The following ABCB4 variants were observed in gnomAD, a reference collection of about 807,000 sequenced individuals.
ABCB4 encodes the protein phosphatidylcholine translocator ABCB4.
Under a neutral mutation model 145.7 loss-of-function variants are expected in ABCB4, and 76 were observed. The ratio of observed to expected loss-of-function variants is 0.52; its 90% CI spans 0.43 to 0.63. ABCB4 has a LOEUF of 0.63. ABCB4 is among the 30% of genes least tolerant of loss of function. The pLI is 0.00. For missense variants in ABCB4, 1,234 were observed against 1,553.1 expected, an observed-to-expected ratio of 0.79 and a Z score of 3.45; for synonymous variants, 517 against 566.8, an observed-to-expected ratio of 0.91 and a Z score of 1.25.
At chr7:87,380,606 G>GAAAGGTA in the ABCB4 span, among the ~76,000 whole-genome samples, 1 of 152,186 alleles carries the variant, frequency 6.6e-6, no homozygotes, top group East Asian at 1.9e-4. Flanking sequence ...TGCAAGAAAT[G>GAAAGGTA]AAAGGTAAAA....
At chr7:87,377,300 CA>C in the ABCB4 span, 2 of 1,171,138 alleles carry the variant, frequency 1.7e-6, no homozygotes, top group Non-Finnish European at 2.5e-6. Flanking sequence ...TAAATTCTTA[CA>C]AACCAATATT....
the ABCB4 span, among the ~76,000 whole-genome samples, chr7:87,367,878 C>G: frequency 6.6e-6 from 1 of 152,200 alleles, no homozygotes. Context: ...ACCTGGACAA[C>G]TTTAGTCACC....
chr7:87,371,377 T>G, the ABCB4 span, among the ~76,000 whole-genome samples: 1 of 152,240 alleles, frequency 6.6e-6, no homozygotes. Context: ...CCTTATTCTT[T>G]TAAACTATTA....
At chr7:87,377,902 GCAGTTACTAC>G in the ABCB4 span, among the ~76,000 whole-genome samples, 3 of 152,050 alleles carry the variant, frequency 2.0e-5, no homozygotes, top group Non-Finnish European at 4.4e-5. Context: ...TATTAAAATG[GCAGTTACTAC>G]CATTTTGACC....
intron 14 of ABCB4, among the ~76,000 whole-genome samples, chr7:87,435,697 A>G (rs1473938824): frequency 3.3e-5 from 5 of 152,252 alleles, no homozygotes; most frequent in Admixed American, 3.3e-4. Flanking sequence ...AACCAACAGA[A>G]AAACCACTTT....
chr7:87,445,788 GA>G (rs1405832280), intron 9 of ABCB4, among the ~76,000 whole-genome samples: 1 of 152,128 alleles, frequency 6.6e-6, no homozygotes, highest in African/African-American at 2.4e-5. Context: ...CAGTAAGAAA[GA>G]AAAATAATGT....
chr7:87,437,917 A>C (rs1022481003), intron 14 of ABCB4, among the ~76,000 whole-genome samples: 21 of 152,344 alleles, frequency 1.4e-4, no homozygotes, highest in Non-Finnish European at 2.2e-4. Flanking sequence ...GTGTGCTATG[A>C]TCCTATAGAA....
chr7:87,371,230 TC>T, the ABCB4 span, among the ~76,000 whole-genome samples: 6 of 152,224 alleles, frequency 3.9e-5, no homozygotes, highest in Non-Finnish European at 7.3e-5. Flanking sequence ...TTTATAGTCT[TC>T]CTAGAGTTAA....
chr7:87,389,443 A>C, the ABCB4 span, among the ~76,000 whole-genome samples: 71 of 152,356 alleles, frequency 4.7e-4, 1 homozygote, highest in Non-Finnish European at 2.2e-4. Flanking sequence ...CTATGCAGCC[A>C]TAAAAGAGGA....
chr7:87,404,728 A>G (rs1808053701), intron 26 of ABCB4, among the ~76,000 whole-genome samples: 1 of 152,242 alleles, frequency 6.6e-6, no homozygotes, highest in Admixed American at 6.5e-5. Flanking sequence ...ACATTTCACC[A>G]AGAGGATATA....
chr7:87,422,216 G>T lies in ABCB4; in HGVS notation c.2221C>A (p.Pro741Thr). The change falls in exon 18 of 28, where the codon CCA (proline) becomes ACA (threonine). Residue 741 changes from proline to threonine, a missense_variant. Physicochemically the swap from Pro to Thr is conservative, Grantham distance 38. This residue lies in a region of ABCB4 where 321 missense variants were observed against 332.6 expected (regional missense o/e 0.97). Transcript: ENST00000649586. ...IFSEIIAIFGPGDDAVKQQKC... is the reference protein window; with the variant it reads ...IFSEIIAIFGTGDDAVKQQKC... ...TGCTGCTTCACTGCATCATCGCCTGGTCCAAAAATCTACAAAAGAATATTT... is the reference window on the plus strand; with the variant it reads ...TGCTGCTTCACTGCATCATCGCCTGTTCCAAAAATCTACAAAAGAATATTT... 6.2e-7 allele frequency: 1 copy of T among 1,612,740 alleles called. No homozygotes were observed. The highest frequency in any genetic ancestry group is 1.1e-5 in the South Asian group (1 of 91,006).
intron 4 of ABCB4, among the ~76,000 whole-genome samples, chr7:87,457,459 T>G (rs1812172938): frequency 6.6e-6 from 1 of 152,090 alleles, no homozygotes; most frequent in Non-Finnish European, 1.5e-5. Context: ...GATGGAGAAC[T>G]TACACCCCAG....
At chr7:87,464,067 C>T (rs1213514801) in intron 3 of ABCB4, among the ~76,000 whole-genome samples, 1 of 152,102 alleles carries the variant, frequency 6.6e-6, no homozygotes. Flanking sequence ...TTCCCCCCAC[C>T]TCAGCCCCTT....
At chr7:87,453,178 C>G in intron 5 of ABCB4, 43 bp from the exon 6 acceptor site, 4 of 1,575,202 alleles carry the variant, frequency 2.5e-6, no homozygotes, top group Non-Finnish European at 3.5e-6. Flanking sequence ...CTTCTCTTTT[C>G]TTTTTTCTTT....
At chr7:87,405,955 G>A in intron 26 of ABCB4, 1 of 381,884 alleles carries the variant, frequency 2.6e-6, no homozygotes, top group East Asian at 6.1e-5. Flanking sequence ...ACAATTACAT[G>A]TAAATCCATA....
the ABCB4 span, among the ~76,000 whole-genome samples, chr7:87,380,130 AAAAT>A: frequency 6.7e-6 from 1 of 148,328 alleles, no homozygotes; most frequent in African/African-American, 2.5e-5. Flanking sequence ...AATAAGAAGA[AAAAT>A]AAGCATATGT....
At chr7:87,415,955 A>G (rs373869627) in intron 21 of ABCB4, among the ~76,000 whole-genome samples, 1 of 152,220 alleles carries the variant, frequency 6.6e-6, no homozygotes. Context: ...AGAGCTACAC[A>G]GTGTTTCTTC....
chr7:87,463,465 T>C (rs1304613967), intron 3 of ABCB4, among the ~76,000 whole-genome samples: 1 of 152,230 alleles, frequency 6.6e-6, no homozygotes, highest in African/African-American at 2.4e-5. Flanking sequence ...GTCTTGCCTA[T>C]GGAGATCCTT....
the ABCB4 span, among the ~76,000 whole-genome samples, chr7:87,367,887 C>T: frequency 6.6e-6 from 1 of 152,204 alleles, no homozygotes; most frequent in African/African-American, 2.4e-5. Flanking sequence ...ACTTTAGTCA[C>T]CTCCTAACTT....
Sources: gnomAD v4.1 joint callset for allele counts (sites outside exome capture counted in the v4.1 genomes callset) on GRCh38, gnomAD v4.1.1 for gene constraint, gnomAD v4.1.1 regional missense constraint, MANE v1.5 for transcripts, NCBI Gene and HGNC (gene_info 2026-07-23, HGNC 2026-07-21) for gene names.